The following TMEM272 variants were observed in gnomAD, a reference collection of about 807,000 sequenced individuals.
TMEM272 encodes the protein long intergenic non-protein coding RNA 282.
In TMEM272, 8 loss-of-function variants were observed where a neutral mutation model predicts 3.7. The ratio of observed to expected loss-of-function variants is 2.17; its 90% CI spans 1.27 to 3.91. TMEM272 has a LOEUF of 3.91. TMEM272 is among the 30% of genes most tolerant of loss of function. The pLI is 0.00. For synonymous variants in TMEM272, 63 were observed against 39.8 expected (o/e 1.58, Z -2.20); for missense variants, 166 against 91.5 (o/e 1.81, Z -3.32).
At chr13:51,850,828 A>G in the TMEM272 span, among the ~76,000 whole-genome samples, 1 of 152,346 alleles carries the variant, frequency 6.6e-6, no homozygotes, top group Non-Finnish European at 1.5e-5. Flanking sequence ...GCTTTGTCAT[A>G]CAATAGAAAG....
the TMEM272 span, among the ~76,000 whole-genome samples, chr13:51,855,665 AG>A: frequency 1.3e-5 from 2 of 152,214 alleles, no homozygotes; most frequent in Admixed American, 6.5e-5. Flanking sequence ...ACAGTAGATT[AG>A]ACACCGCTGA....
the TMEM272 span, among the ~76,000 whole-genome samples, chr13:51,929,695 G>C: frequency 6.6e-6 from 1 of 152,246 alleles, no homozygotes; most frequent in Admixed American, 6.5e-5. Flanking sequence ...ACAGGCTTTA[G>C]TGCCAGTGCC....
At chr13:51,920,704 TAC>T in the TMEM272 span, among the ~76,000 whole-genome samples, 3 of 152,204 alleles carry the variant, frequency 2.0e-5, no homozygotes, top group African/African-American at 2.4e-5. Context: ...GCTGTCCTGC[TAC>T]AGTGTCTTCA....
chr13:51,829,857 A>G (rs762762069), intron 2 of TMEM272, among the ~76,000 whole-genome samples: 2 of 152,088 alleles, frequency 1.3e-5, no homozygotes, highest in African/African-American at 4.8e-5. Context: ...GGCACTTAAA[A>G]AATAGCAGAT....
At chr13:51,911,659 G>GT in the TMEM272 span, among the ~76,000 whole-genome samples, 77 of 152,070 alleles carry the variant, frequency 5.1e-4, 2 homozygotes, top group Non-Finnish European at 1.5e-5. Context: ...GAGACTCTGG[G>GT]TTTTTTGCTT....
chr13:51,827,923 G>A (rs759835409), intron 2 of TMEM272, among the ~76,000 whole-genome samples: 23 of 152,276 alleles, frequency 1.5e-4, no homozygotes, highest in Admixed American at 1.0e-3. Flanking sequence ...AAGCTTTCTC[G>A]CTCTGCTGAC....
At chr13:51,910,475 G>C in the TMEM272 span, 1 of 785,926 alleles carries the variant, frequency 1.3e-6, no homozygotes, top group African/African-American at 1.7e-5. Flanking sequence ...CAAATCCAAG[G>C]ACAGCTGCAC....
the TMEM272 span, chr13:51,933,970 A>G: frequency 6.6e-6 from 1 of 152,142 alleles, no homozygotes; most frequent in Non-Finnish European, 1.5e-5. Flanking sequence ...CAGCAACAAC[A>G]CTCTATTGAG....
the TMEM272 span, among the ~76,000 whole-genome samples, chr13:51,889,249 C>G: frequency 2.6e-5 from 4 of 152,330 alleles, no homozygotes; most frequent in East Asian, 7.7e-4. Context: ...AGTATTCACA[C>G]TTTTCCTCAT....
intron 2 of TMEM272, among the ~76,000 whole-genome samples, chr13:51,835,807 C>T (rs1956212412): frequency 6.6e-6 from 1 of 152,176 alleles, no homozygotes; most frequent in Non-Finnish European, 1.5e-5. Flanking sequence ...TCAGGTTTCC[C>T]TCTGCATGCT....
chr13:51,880,017 C>T, the TMEM272 span, among the ~76,000 whole-genome samples: 1 of 152,156 alleles, frequency 6.6e-6, no homozygotes, highest in African/African-American at 2.4e-5. Flanking sequence ...TTGTAACAAC[C>T]AGAATTCATT....
chr13:51,829,994 A>T (rs1956159624), intron 2 of TMEM272, among the ~76,000 whole-genome samples: 1 of 152,226 alleles, frequency 6.6e-6, no homozygotes, highest in African/African-American at 2.4e-5. Flanking sequence ...GGACATTGAG[A>T]CCAAGAGAAT....
the TMEM272 span, among the ~76,000 whole-genome samples, chr13:51,889,643 T>C: frequency 1.3e-5 from 2 of 149,692 alleles, no homozygotes; most frequent in East Asian, 3.9e-4. Context: ...TGTGGGGGGG[T>C]TTTGTTTGTT....
chr13:51,918,872 T>C, the TMEM272 span, among the ~76,000 whole-genome samples: 3 of 141,620 alleles, frequency 2.1e-5, no homozygotes, highest in Middle Eastern at 7.4e-3. Context: ...GGTCTCGAAC[T>C]CTTGAGTTCA....
chr13:51,891,489 T>C, the TMEM272 span, among the ~76,000 whole-genome samples: 6 of 152,190 alleles, frequency 3.9e-5, no homozygotes, highest in African/African-American at 1.4e-4. Flanking sequence ...ATTTACTGAA[T>C]TGCCCTGAAG....
the TMEM272 span, chr13:51,865,881 G>T: frequency 1.8e-5 from 29 of 1,613,396 alleles, no homozygotes; most frequent in Non-Finnish European, 2.4e-5. Flanking sequence ...GTAGAGGAAA[G>T]AGCCCTCCTT....
intron 1 of TMEM272, among the ~76,000 whole-genome samples, chr13:51,838,781 G>A (rs751501903): frequency 2.6e-5 from 4 of 152,134 alleles, no homozygotes; most frequent in Non-Finnish European, 4.4e-5. Flanking sequence ...TAAGAGGCTT[G>A]CCCAGTGATA....
In TMEM272 at chr13:51,817,062, C is replaced by G. The variant is rs1249943466; in HGVS notation, c.253G>C (p.Ala85Pro). 3 of 702,962 alleles carry G rather than the reference C, an allele frequency of 4.3e-6. No homozygotes were observed. Among genetic ancestry groups the G allele is most frequent in the Non-Finnish European group, 7.8e-6 (3 of 384,976 alleles). 43.5% of individuals were successfully genotyped at this position (702,962 alleles called of 1,614,324 possible). A position where few individuals can be genotyped will look rare whatever the true frequency, so the allele number is the denominator to read the frequency against. The change falls in exon 5 of 5, where the codon GCC (alanine) becomes CCC (proline). Residue 85 changes from alanine (A) to proline (P), a missense_variant. Coordinates refer to ENST00000629372, the MANE Select transcript of TMEM272 (RefSeq NM_001351003.2). The part of the protein sequence containing the change: ...STRMRRLLSK[A>P]VVIDDDDDDE... ...TCGTCATCGTCATCAATCACCACGGCCTTGGACAGCAGCCGCCTCATCCTG... is the reference window on the plus strand; with the variant it reads ...TCGTCATCGTCATCAATCACCACGGGCTTGGACAGCAGCCGCCTCATCCTG...
the TMEM272 span, among the ~76,000 whole-genome samples, chr13:51,855,869 T>C: frequency 5.9e-5 from 9 of 152,176 alleles, no homozygotes; most frequent in African/African-American, 2.2e-4. Flanking sequence ...AAGAAATATG[T>C]CCAAGAATGT....
Sources: gnomAD v4.1 joint callset for allele counts (sites outside exome capture counted in the v4.1 genomes callset) on GRCh38, gnomAD v4.1.1 for gene constraint, MANE v1.5 for transcripts, NCBI Gene and HGNC (gene_info 2026-07-23, HGNC 2026-07-21) for gene names.